MCM5: variants seen among roughly 807,000 people sequenced by gnomAD.
MCM5 encodes the protein minichromosome maintenance complex component 5.
In MCM5, 46 loss-of-function variants were observed where a neutral mutation model predicts 79.9. The ratio of observed to expected loss-of-function variants is 0.58; its 90% CI spans 0.45 to 0.74. The LOEUF (loss-of-function observed/expected upper bound fraction) is 0.74. Among genes scored for constraint, MCM5 ranks in the 30% least tolerant of loss-of-function variants. MCM5 has a pLI of 0.00. For synonymous variants in MCM5, 404 were observed against 390.5 expected (o/e 1.03, Z -0.41); for missense variants, 883 against 1,017.0 (o/e 0.87, Z 1.79).
At chr22:35,401,971 A>T (rs1303043726) in intron 2 of MCM5, among the ~76,000 whole-genome samples, 1 of 152,210 alleles carries the variant, frequency 6.6e-6, no homozygotes, top group Non-Finnish European at 1.5e-5. Flanking sequence ...TTTCAGTAGC[A>T]GTCTGGCCAT....
rs569189624 is a variant in MCM5, at chr22:35,425,327, A to G, written c.*1072A>G. ...AAGCAAAACGTGAATTTGGAAATCT[A>G]TGGAACATTAGATAAGGTATTTAAA... On this transcript the variant is annotated 3_prime_UTR_variant, in exon 17 of 17. Transcript: ENST00000216122. 1.3e-5 allele frequency: 2 copies of G among 152,392 alleles called. No homozygotes were observed. The highest frequency in any genetic ancestry group is 2.1e-4 in the South Asian group (1 of 4,834). 9.4% of individuals were successfully genotyped at this position (152,392 alleles called of 1,614,324 possible).
chr22:35,445,873 T>G, the MCM5 span, among the ~76,000 whole-genome samples: 1 of 152,156 alleles, frequency 6.6e-6, no homozygotes, highest in Non-Finnish European at 1.5e-5. Flanking sequence ...AGTAGATAAC[T>G]TTTCCTGATA....
At chr22:35,401,941 G>GC in intron 2 of MCM5, 9 of 341,678 alleles carry the variant, frequency 2.6e-5, no homozygotes, top group South Asian at 6.6e-5. Context: ...GAGGTGTGGG[G>GC]TGTCCTCACA....
At chr22:35,439,248 C>T in the MCM5 span, among the ~76,000 whole-genome samples, 3 of 152,026 alleles carry the variant, frequency 2.0e-5, no homozygotes, top group Non-Finnish European at 4.4e-5. Flanking sequence ...TCCATCCACC[C>T]ACCCACATAT....
chr22:35,411,009 T>C (rs777400108), intron 7 of MCM5, 99 bp downstream of exon 7: 4 of 1,101,720 alleles, frequency 3.6e-6, no homozygotes, highest in Non-Finnish European at 5.2e-6. Context: ...TAGCCCAGGA[T>C]GTCCTTGTGT....
intron 15 of MCM5, chr22:35,421,669 C>T: frequency 1.5e-6 from 1 of 672,830 alleles, no homozygotes; most frequent in South Asian, 1.6e-5. Context: ...AGCAGCTTCT[C>T]TCCAGACCCT....
chr22:35,412,664 TG>T lies in MCM5; in HGVS notation c.1079del (p.Gly360AlafsTer19). On this transcript the variant is annotated frameshift_variant, in exon 8 of 17. Coordinates refer to ENST00000216122, the MANE Select transcript of MCM5 (RefSeq NM_006739.4). LOFTEE classifies it high-confidence loss of function. ...AGAAGGCCATTGCCTGCCTGCTCTT[TG>T]GGGGCTCCCGAAAGAGGTAGGGGCT... ...MKKAIACLLF[G>X]GSRKRLPDGL... The T allele has an allele frequency of 6.6e-7, 1 of 1,507,342 alleles. No homozygotes were observed. Among genetic ancestry groups the T allele is most frequent in the Non-Finnish European group, 8.9e-7 (1 of 1,120,716 alleles). The allele number at this position is 1,507,342 out of a possible 1,614,324, so 93.4% of individuals were successfully genotyped here. A position where few individuals can be genotyped will look rare whatever the true frequency, so the allele number is the denominator to read the frequency against.
chr22:35,449,510 C>T, the MCM5 span, among the ~76,000 whole-genome samples: 1 of 151,986 alleles, frequency 6.6e-6, no homozygotes, highest in East Asian at 1.9e-4. Flanking sequence ...TCTGCCCAGC[C>T]GTGGCTTCTC....
chr22:35,427,566 A>G (rs1256802615), downstream of MCM5, among the ~76,000 whole-genome samples: 1 of 108,094 alleles, frequency 9.3e-6, no homozygotes, highest in African/African-American at 3.5e-5. Context: ...TTAATTTATT[A>G]TACTTGTTTT....
intron 15 of MCM5, 78 bp downstream of exon 15, chr22:35,421,538 G>C: frequency 6.3e-7 from 1 of 1,589,700 alleles, no homozygotes; most frequent in Non-Finnish European, 8.6e-7. Flanking sequence ...GCTCTGGCCT[G>C]CTGGGGGCCT....
chr22:35,412,261 A>G (rs933883389), intron 7 of MCM5, among the ~76,000 whole-genome samples: 2 of 152,170 alleles, frequency 1.3e-5, no homozygotes, highest in African/African-American at 4.8e-5. Flanking sequence ...GTCCTATGCC[A>G]TCTGGCCCTC....
Position 35,415,913 on chromosome 22 carries a change from G to A in MCM5, c.1288G>A (p.Glu430Lys). Residue 430 changes from glutamate (E) to lysine (K), a missense_variant, in exon 10 of 17, where the codon GAG (glutamate) becomes AAG (lysine). Around this residue, in one of 3 missense-constraint regions of MCM5, gnomAD observed 426 missense variants for 482.3 expected, o/e 0.88. Coordinates refer to ENST00000216122, the MANE Select transcript of MCM5 (RefSeq NM_006739.4). ...CCCTTCGTCCCGGAATTTCATCATG[G>A]AGGGCGGAGCCATGGTCCTGGCCGA... The part of the protein sequence containing the change: ...RDPSSRNFIM[E>K]GGAMVLADGG... The A allele has an allele frequency of 6.2e-7, 1 of 1,614,196 alleles. No individual in the cohort carries two copies. Among genetic ancestry groups the A allele is most frequent in the East Asian group, 2.2e-5 (1 of 44,886 alleles).
chr22:35,445,032 G>A, the MCM5 span, among the ~76,000 whole-genome samples: 18 of 152,280 alleles, frequency 1.2e-4, 1 homozygote, highest in African/African-American at 4.3e-4. Flanking sequence ...GGAGGTGGAA[G>A]CTCACCAGGT....
At chr22:35,408,859 C>G (rs1485527444) in intron 6 of MCM5, among the ~76,000 whole-genome samples, 4 of 152,252 alleles carry the variant, frequency 2.6e-5, no homozygotes. Context: ...GCATTGCTTT[C>G]CAAAGTCTGT....
At chr22:35,439,299 T>TCATC in the MCM5 span, among the ~76,000 whole-genome samples, 3 of 147,242 alleles carry the variant, frequency 2.0e-5, no homozygotes, top group East Asian at 4.1e-4. Flanking sequence ...ACCTGCATAT[T>TCATC]CATCCATCCA....
At chr22:35,448,188 T>C in the MCM5 span, among the ~76,000 whole-genome samples, 4 of 152,136 alleles carry the variant, frequency 2.6e-5, no homozygotes, top group Non-Finnish European at 4.4e-5. Context: ...TTTCCTCTTC[T>C]AGAAAATAAG....
chr22:35,453,815 T>TAGAGAGAGAG, the MCM5 span, among the ~76,000 whole-genome samples: 20 of 89,218 alleles, frequency 2.2e-4, no homozygotes, highest in South Asian at 8.1e-4. Flanking sequence ...TATATATATA[T>TAGAGAGAGAG]ATATAGAGAG....
intron 10 of MCM5, 97 bp downstream of exon 10, chr22:35,416,069 G>A: frequency 6.8e-7 from 1 of 1,471,862 alleles, no homozygotes; most frequent in East Asian, 2.3e-5. Flanking sequence ...TGACTTGGGA[G>A]ACATGTTTTC....
At chr22:35,450,192 A>C in the MCM5 span, among the ~76,000 whole-genome samples, 5 of 152,068 alleles carry the variant, frequency 3.3e-5, no homozygotes, top group Non-Finnish European at 5.9e-5. Context: ...TGGGACTGTC[A>C]CGAGAATTAG....
Sources: allele counts gnomAD v4.1 joint callset (sites outside exome capture counted in the v4.1 genomes callset), GRCh38; gene constraint gnomAD v4.1.1; regional missense constraint gnomAD v4.1.1; transcripts MANE v1.5; gene names NCBI Gene and HGNC (gene_info 2026-07-23, HGNC 2026-07-21).